IMPG1: variants seen among roughly 807,000 people sequenced by gnomAD.
IMPG1 encodes interphotoreceptor matrix proteoglycan 1, also known as interphotoreceptor matrix proteoglycan of 150 kDa.
Under a neutral mutation model 92.0 loss-of-function variants are expected in IMPG1, and 85 were observed. That is an observed-to-expected ratio of 0.92 (90% CI 0.78 to 1.11). IMPG1 has a LOEUF of 1.11. Ranked by LOEUF, IMPG1 falls within the 50% of genes least tolerant of loss-of-function variation. IMPG1 has a pLI of 0.00. For synonymous variants in IMPG1, 367 were observed against 334.1 expected (o/e 1.10, Z -1.08); for missense variants, 1,022 against 956.0 (o/e 1.07, Z -0.91).
At chr6:76,042,274 C>G (rs1205937650) in intron 1 of IMPG1, 148 bp from the exon 2 acceptor site, 6 of 611,634 alleles carry the variant, frequency 9.8e-6, no homozygotes, top group Admixed American at 2.9e-5. Context: ...ACGTAATATT[C>G]CAAATGACAA....
intron 1 of IMPG1, among the ~76,000 whole-genome samples, chr6:76,060,179 A>T (rs1373732186): frequency 6.6e-6 from 1 of 152,210 alleles, no homozygotes; most frequent in African/African-American, 2.4e-5. Context: ...GTCGGAATGA[A>T]TTAAGATGAC....
chr6:75,986,417 G>C (rs1782719133), intron 12 of IMPG1, among the ~76,000 whole-genome samples: 1 of 152,116 alleles, frequency 6.6e-6, no homozygotes, highest in Admixed American at 6.5e-5. Flanking sequence ...TTATAATAAA[G>C]ATTGAGGGGA....
chr6:75,953,357 T>G (rs1782066395), intron 12 of IMPG1, among the ~76,000 whole-genome samples: 1 of 152,184 alleles, frequency 6.6e-6, no homozygotes, highest in Non-Finnish European at 1.5e-5. Context: ...CATGGTGGTT[T>G]GCTGCATTCA....
intron 12 of IMPG1, among the ~76,000 whole-genome samples, chr6:75,963,322 C>G (rs984539312): frequency 2.6e-5 from 4 of 152,042 alleles, no homozygotes; most frequent in Non-Finnish European, 5.9e-5. Context: ...TCAGACAAAA[C>G]AGCTGAGTTA....
chr6:75,945,815 C>T (rs1002604514), intron 14 of IMPG1, among the ~76,000 whole-genome samples: 14 of 152,190 alleles, frequency 9.2e-5, no homozygotes, highest in African/African-American at 3.4e-4. Flanking sequence ...GCTTCCCACC[C>T]TCTTTCTAAG....
chr6:75,933,219 T>C lies in IMPG1; in HGVS notation c.2045-2068A>G, dbSNP rs1046908864. ...GGAGAAAAAAGTAGATGCCATTGTC[T>C]AGAAGAATATTTTCAAGTCATGATC... On this transcript the variant is annotated intron_variant, in intron 14 of 16. Transcript: ENST00000369950. Among the ~76,000 whole-genome samples, 8 of 152,346 alleles carry C rather than the reference T, an allele frequency of 5.3e-5. No homozygotes were observed. The East Asian group carries it at 5.8e-4, about 11-fold the overall frequency.
At chr6:75,974,373 T>TTC (rs1363299948) in intron 12 of IMPG1, among the ~76,000 whole-genome samples, 1 of 118,878 alleles carries the variant, frequency 8.4e-6, no homozygotes. Context: ...CTTTCTTTCT[T>TTC]TCTTTCTTTC....
chr6:76,062,564 A>G (rs191692860), intron 1 of IMPG1, among the ~76,000 whole-genome samples: 146 of 152,220 alleles, frequency 9.6e-4, no homozygotes, highest in Non-Finnish European at 1.5e-3. Flanking sequence ...TTCATCTCCT[A>G]TTTTTTCAAA....
At chr6:75,947,011 T>TA (rs1046487049) in intron 14 of IMPG1, among the ~76,000 whole-genome samples, 3 of 152,066 alleles carry the variant, frequency 2.0e-5, no homozygotes, top group South Asian at 2.1e-4. Context: ...TGGGCTACAT[T>TA]AAAAAAAACT....
intron 14 of IMPG1, among the ~76,000 whole-genome samples, chr6:75,935,672 A>G (rs1164033601): frequency 3.3e-5 from 5 of 152,218 alleles, no homozygotes; most frequent in African/African-American, 1.2e-4. Flanking sequence ...AATCAATAGC[A>G]ATCTGCAGGA....
intron 12 of IMPG1, among the ~76,000 whole-genome samples, chr6:75,982,438 G>A (rs1782641619): frequency 6.6e-6 from 1 of 151,954 alleles, no homozygotes; most frequent in South Asian, 2.1e-4. Context: ...CTACTCAGGA[G>A]GCTGAGGTAG....
intron 14 of IMPG1, among the ~76,000 whole-genome samples, chr6:75,931,851 A>G (rs1781674221): frequency 6.6e-6 from 1 of 152,246 alleles, no homozygotes; most frequent in African/African-American, 2.4e-5. Context: ...TTAGAAATCA[A>G]GAGAATCTCA....
At chr6:75,999,685 G>A (rs1322278913) in intron 12 of IMPG1, among the ~76,000 whole-genome samples, 1 of 152,156 alleles carries the variant, frequency 6.6e-6, no homozygotes, top group Non-Finnish European at 1.5e-5. Context: ...CATTTGGGCT[G>A]ATTATGAAAG....
chr6:75,994,482 A>G (rs1457331882), intron 12 of IMPG1, among the ~76,000 whole-genome samples: 1 of 152,220 alleles, frequency 6.6e-6, no homozygotes, highest in African/African-American at 2.4e-5. Flanking sequence ...GCTCATAAAG[A>G]CATATCTGAG....
At chr6:75,995,887 C>A (rs1782891694) in intron 12 of IMPG1, among the ~76,000 whole-genome samples, 1 of 152,206 alleles carries the variant, frequency 6.6e-6, no homozygotes, top group South Asian at 2.1e-4. Context: ...GTTTCGGGGT[C>A]TGTTTTGGGG....
At chr6:75,974,381 TTC>T (rs1391020187) in intron 12 of IMPG1, among the ~76,000 whole-genome samples, 26 of 106,058 alleles carry the variant, frequency 2.5e-4, no homozygotes, top group African/African-American at 8.6e-4. Flanking sequence ...CTTTCTTTCT[TTC>T]TTTCTTTCTT....
chr6:76,050,918 T>C (rs985705581), intron 1 of IMPG1, among the ~76,000 whole-genome samples: 3 of 152,168 alleles, frequency 2.0e-5, no homozygotes, highest in African/African-American at 7.2e-5. Context: ...GCAACAGCCA[T>C]TGGTATAAGC....
At chr6:76,056,283 G>A (rs72893803) in intron 1 of IMPG1, among the ~76,000 whole-genome samples, 2,285 of 152,106 alleles carry the variant, frequency 0.015, 24 homozygotes, top group Admixed American at 0.022. Context: ...GTTTATTCAT[G>A]ATTAAAAACT....
chr6:75,972,313 T>C (rs1194919766), intron 12 of IMPG1, among the ~76,000 whole-genome samples: 2 of 152,222 alleles, frequency 1.3e-5, no homozygotes, highest in Non-Finnish European at 2.9e-5. Flanking sequence ...GTATCACTTC[T>C]ATCAAGAATT....
Sources: gnomAD v4.1 joint callset for allele counts (sites outside exome capture counted in the v4.1 genomes callset) on GRCh38, gnomAD v4.1.1 for gene constraint, MANE v1.5 for transcripts, NCBI Gene and HGNC (gene_info 2026-07-23, HGNC 2026-07-21) for gene names.